The following PEBP4 variants were observed in gnomAD, a reference collection of about 807,000 sequenced individuals.
The protein encoded by PEBP4 is phosphatidylethanolamine binding protein 4.
A neutral mutation model predicts 23.9 loss-of-function variants in PEBP4; 22 were observed. The ratio of observed to expected loss-of-function variants is 0.92; its 90% CI spans 0.66 to 1.31. The LOEUF (loss-of-function observed/expected upper bound fraction) is 1.31, where lower values mean the gene tolerates loss of function less well. Ranked by LOEUF, PEBP4 falls within the 40% of genes most tolerant of loss-of-function variation. The pLI, the probability that PEBP4 is intolerant of heterozygous loss-of-function variation, is 0.00. For missense variants in PEBP4, 324 were observed against 281.7 expected (o/e 1.15, Z -1.07); for synonymous variants, 112 against 99.3 (o/e 1.13, Z -0.76).
At chr8:22,938,331 T>C (rs1003213587) in intron 1 of PEBP4, among the ~76,000 whole-genome samples, 4 of 152,162 alleles carry the variant, frequency 2.6e-5, no homozygotes, top group Non-Finnish European at 5.9e-5. Flanking sequence ...CCATTCTGTC[T>C]GTAACGGACA....
At chr8:22,886,660 G>A (rs1239204693) in intron 3 of PEBP4, 1 of 152,336 alleles carries the variant, frequency 6.6e-6, no homozygotes, top group East Asian at 1.9e-4. Flanking sequence ...CCAGAGCAGT[G>A]GCCCAGCAGG....
chr8:22,770,568 C>G (rs1195564686), intron 4 of PEBP4, among the ~76,000 whole-genome samples: 1 of 152,192 alleles, frequency 6.6e-6, no homozygotes, highest in Non-Finnish European at 1.5e-5. Flanking sequence ...GGGAGAGGGC[C>G]TGCGCTGGCC....
chr8:22,720,162 G>A (rs1563193259), intron 6 of PEBP4, among the ~76,000 whole-genome samples: 1 of 152,228 alleles, frequency 6.6e-6, no homozygotes, highest in Non-Finnish European at 1.5e-5. Flanking sequence ...AAGGGGGGCC[G>A]CCACGAGTGG....
At chr8:22,937,253 T>C (rs192416000) in intron 1 of PEBP4, among the ~76,000 whole-genome samples, 1 of 152,312 alleles carries the variant, frequency 6.6e-6, no homozygotes, top group East Asian at 1.9e-4. Flanking sequence ...AGTTGTAATT[T>C]ACAAAATCAA....
intron 3 of PEBP4, among the ~76,000 whole-genome samples, chr8:22,827,293 TA>T: frequency 6.6e-6 from 1 of 152,270 alleles, no homozygotes; most frequent in Admixed American, 6.5e-5. Flanking sequence ...CAATGATTTT[TA>T]AAAAAATGTA....
At chr8:22,834,686 C>T (rs763487365) in intron 3 of PEBP4, among the ~76,000 whole-genome samples, 2 of 152,182 alleles carry the variant, frequency 1.3e-5, no homozygotes, top group African/African-American at 2.4e-5. Flanking sequence ...GGGATCTCTT[C>T]TGGAATAAAA....
chr8:22,747,518 T>C (rs1177372534), intron 4 of PEBP4: 1 of 151,826 alleles, frequency 6.6e-6, no homozygotes, highest in Non-Finnish European at 1.5e-5. Context: ...TTGTGTTTCT[T>C]TGGGCAGGAG....
At chr8:22,723,559 T>C (rs1804561423) in intron 6 of PEBP4, among the ~76,000 whole-genome samples, 1 of 152,190 alleles carries the variant, frequency 6.6e-6, no homozygotes, top group African/African-American at 2.4e-5. Context: ...GAGAATGTCA[T>C]AGGCTGAGGT....
At chr8:22,728,375 G>A (rs1047725092) in intron 4 of PEBP4, among the ~76,000 whole-genome samples, 23 of 152,118 alleles carry the variant, frequency 1.5e-4, no homozygotes, top group African/African-American at 5.3e-4. Context: ...TCCAAGGCTG[G>A]TTCCTATAGA....
chr8:22,810,709 T>TGAGA (rs1483088694), intron 4 of PEBP4, among the ~76,000 whole-genome samples: 7 of 113,282 alleles, frequency 6.2e-5, no homozygotes, highest in African/African-American at 2.4e-4. Flanking sequence ...TGTGTGTGTG[T>TGAGA]GTGTGAGAGA....
chr8:22,742,975 G>A (rs1435095600), intron 4 of PEBP4, among the ~76,000 whole-genome samples: 2 of 152,222 alleles, frequency 1.3e-5, no homozygotes, highest in African/African-American at 4.8e-5. Context: ...GGGGGAACAG[G>A]GAGGGCTTTC....
At chr8:22,736,541 G>A (rs1266422681) in intron 4 of PEBP4, among the ~76,000 whole-genome samples, 1 of 152,142 alleles carries the variant, frequency 6.6e-6, no homozygotes, top group Non-Finnish European at 1.5e-5. Context: ...GGAATTCGAG[G>A]CTGTAGTGAG....
intron 3 of PEBP4, among the ~76,000 whole-genome samples, chr8:22,881,542 G>GTA (rs1808259480): frequency 6.6e-6 from 1 of 152,152 alleles, no homozygotes; most frequent in African/African-American, 2.4e-5. Context: ...GCCATGCCAG[G>GTA]TATCTAATAG....
At chr8:22,861,055 C>T (rs557582332) in intron 3 of PEBP4, among the ~76,000 whole-genome samples, 16 of 152,298 alleles carry the variant, frequency 1.1e-4, no homozygotes, top group Admixed American at 4.6e-4. Flanking sequence ...AATTTGCATT[C>T]CTTGGAACGT....
intron 4 of PEBP4, among the ~76,000 whole-genome samples, chr8:22,794,987 C>T (rs1260193381): frequency 6.6e-6 from 1 of 151,304 alleles, no homozygotes; most frequent in Non-Finnish European, 1.5e-5. Flanking sequence ...ATAATCAGTC[C>T]TTTCTTTTCA....
chr8:22,721,225 C>A (rs1041576365), intron 6 of PEBP4, among the ~76,000 whole-genome samples: 6 of 152,124 alleles, frequency 3.9e-5, no homozygotes, highest in African/African-American at 1.4e-4. Flanking sequence ...AAGCTGGGAG[C>A]AAATCAATTT....
At chr8:22,934,691 G>C (rs1377751121) in intron 1 of PEBP4, among the ~76,000 whole-genome samples, 1 of 152,108 alleles carries the variant, frequency 6.6e-6, no homozygotes, top group Non-Finnish European at 1.5e-5. Context: ...AAGCAAGCAA[G>C]CAAGCAAGAA....
intron 4 of PEBP4, among the ~76,000 whole-genome samples, chr8:22,805,546 A>T (rs1173940837): frequency 2.6e-5 from 4 of 152,108 alleles, no homozygotes; most frequent in African/African-American, 9.7e-5. Flanking sequence ...GGCTGTTTTT[A>T]AACTCTTAAC....
chr8:22,805,389 C>T (rs145559787), intron 4 of PEBP4, among the ~76,000 whole-genome samples: 4 of 149,726 alleles, frequency 2.7e-5, no homozygotes, highest in East Asian at 2.0e-4. Flanking sequence ...TGCGATGGCA[C>T]GATCTTGGCT....
Sources: allele counts gnomAD v4.1 joint callset (sites outside exome capture counted in the v4.1 genomes callset), GRCh38; gene constraint gnomAD v4.1.1; transcripts MANE v1.5; gene names NCBI Gene and HGNC (gene_info 2026-07-23, HGNC 2026-07-21).